Variants in TMEM178B observed in about 807,000 individuals in gnomAD.
The protein encoded by TMEM178B is transmembrane protein 178B.
Under a neutral mutation model 31.0 loss-of-function variants are expected in TMEM178B, and 5 were observed. That is an observed-to-expected ratio of 0.16 (90% CI 0.08 to 0.34). The LOEUF (loss-of-function observed/expected upper bound fraction) is 0.34. Ranked by LOEUF, TMEM178B falls within the 10% of genes least tolerant of loss-of-function variation. The pLI is 1.00. For synonymous variants in TMEM178B, 164 were observed against 164.0 expected, an observed-to-expected ratio of 1.00 and a Z score of 0.00; for missense variants, 275 against 400.3, an observed-to-expected ratio of 0.69 and a Z score of 2.67.
intron 2 of TMEM178B, among the ~76,000 whole-genome samples, chr7:141,256,293 T>C (rs911652274): frequency 5.9e-5 from 9 of 151,816 alleles, no homozygotes; most frequent in Middle Eastern, 3.2e-3. Context: ...AAACCAAGAG[T>C]GTTTATTTCA....
chr7:141,405,145 A>G (rs2116625521), intron 2 of TMEM178B, among the ~76,000 whole-genome samples: 1 of 152,366 alleles, frequency 6.6e-6, no homozygotes, highest in South Asian at 2.1e-4. Flanking sequence ...TACTTGAACC[A>G]CAGCCAGACG....
At chr7:141,088,410 C>A (rs762637974) in intron 1 of TMEM178B, among the ~76,000 whole-genome samples, 3 of 152,084 alleles carry the variant, frequency 2.0e-5, no homozygotes, top group African/African-American at 2.4e-5. Flanking sequence ...TAGCTCTATT[C>A]TTATTCCTTC....
chr7:141,436,824 C>G (rs1036843543), intron 2 of TMEM178B, among the ~76,000 whole-genome samples: 1 of 152,160 alleles, frequency 6.6e-6, no homozygotes, highest in African/African-American at 2.4e-5. Context: ...AGACAACCCT[C>G]TTCCTCCTGG....
At chr7:141,208,606 A>C (rs1797002975) in intron 1 of TMEM178B, among the ~76,000 whole-genome samples, 1 of 152,210 alleles carries the variant, frequency 6.6e-6, no homozygotes, top group African/African-American at 2.4e-5. Context: ...GCAAATAGCG[A>C]GGGCCTGAAG....
rs1168036959 is a variant in TMEM178B at position 141,437,715 on chromosome 7, T to C, written c.604T>C (p.Tyr202His). ...CTGCTGGGACCGAGGCCTTATGCAGTACGTGGCAGGGCTGCTCTTCCTCAT... is the reference window on the plus strand; with the variant it reads ...CTGCTGGGACCGAGGCCTTATGCAGCACGTGGCAGGGCTGCTCTTCCTCAT... ...GCCWDRGLMQ[Y>H]VAGLLFLMGG... Residue 202 changes from tyrosine (Y) to histidine (H), a missense_variant, in exon 3 of 4, where the codon TAC (tyrosine) becomes CAC (histidine). Coordinates refer to ENST00000565468, the MANE Select transcript of TMEM178B (RefSeq NM_001195278.2). The C allele has an allele frequency of 1.3e-6, 2 of 1,536,002 alleles. No homozygotes were observed. The highest frequency in any genetic ancestry group is 1.7e-6 in the Non-Finnish European group (2 of 1,146,868).
chr7:141,081,349 A>G (rs1794681584), intron 1 of TMEM178B, among the ~76,000 whole-genome samples: 1 of 152,186 alleles, frequency 6.6e-6, no homozygotes, highest in African/African-American at 2.4e-5. Context: ...GGATATAAAG[A>G]AAGAGCCTGG....
At chr7:141,334,192 C>G (rs1381595602) in intron 2 of TMEM178B, among the ~76,000 whole-genome samples, 1 of 152,202 alleles carries the variant, frequency 6.6e-6, no homozygotes, top group African/African-American at 2.4e-5. Flanking sequence ...GTGGCACTTG[C>G]TCAGGATGGG....
chr7:141,307,358 T>C (rs1798832383), intron 2 of TMEM178B, among the ~76,000 whole-genome samples: 1 of 152,204 alleles, frequency 6.6e-6, no homozygotes, highest in Admixed American at 6.5e-5. Context: ...ATTTTAGCAA[T>C]CTGTGAAGGG....
intron 2 of TMEM178B, among the ~76,000 whole-genome samples, chr7:141,379,344 G>C (rs545565391): frequency 6.6e-6 from 1 of 152,140 alleles, no homozygotes; most frequent in Non-Finnish European, 1.5e-5. Context: ...AGTTGGCTGG[G>C]CATGGCAGCA....
chr7:141,086,186 C>T (rs962392323), intron 1 of TMEM178B, among the ~76,000 whole-genome samples: 31 of 151,530 alleles, frequency 2.0e-4, no homozygotes, highest in African/African-American at 7.3e-4. Flanking sequence ...CAGGCGCCTG[C>T]CACCACTGCT....
chr7:141,493,870 T>C, the TMEM178B span, among the ~76,000 whole-genome samples: 1 of 152,216 alleles, frequency 6.6e-6, no homozygotes. Flanking sequence ...GGGAAAATAC[T>C]GGGTGTGATT....
chr7:141,187,301 A>G (rs1189558542), intron 1 of TMEM178B, among the ~76,000 whole-genome samples: 3 of 152,032 alleles, frequency 2.0e-5, no homozygotes, highest in East Asian at 1.9e-4. Flanking sequence ...ATAGTATTCC[A>G]TGGTGTATAT....
At chr7:141,083,397 C>T (rs2129171153) in intron 1 of TMEM178B, among the ~76,000 whole-genome samples, 1 of 145,206 alleles carries the variant, frequency 6.9e-6, no homozygotes, top group Admixed American at 7.2e-5. Context: ...ATTTAGGTGT[C>T]AAAGAGTAGA....
intron 2 of TMEM178B, among the ~76,000 whole-genome samples, chr7:141,226,690 A>G (rs964784310): frequency 5.9e-5 from 9 of 151,994 alleles, no homozygotes; most frequent in African/African-American, 2.2e-4. Flanking sequence ...CATCTCTACT[A>G]AAACAAAACA....
intron 2 of TMEM178B, among the ~76,000 whole-genome samples, chr7:141,226,101 C>T (rs1348037672): frequency 1.3e-5 from 2 of 152,138 alleles, no homozygotes; most frequent in East Asian, 1.9e-4. Flanking sequence ...GTGTTCCATC[C>T]ACCACCCCAT....
chr7:141,450,962 G>C (rs929911330), intron 3 of TMEM178B, among the ~76,000 whole-genome samples: 1 of 152,146 alleles, frequency 6.6e-6, no homozygotes, highest in Non-Finnish European at 1.5e-5. Flanking sequence ...TAAAACAAAA[G>C]GTTACTGGGA....
chr7:141,503,636 A>G, the TMEM178B span, among the ~76,000 whole-genome samples: 1 of 152,198 alleles, frequency 6.6e-6, no homozygotes, highest in East Asian at 1.9e-4. Flanking sequence ...GCCATGAAAA[A>G]ATAGGCAAAT....
intron 2 of TMEM178B, among the ~76,000 whole-genome samples, chr7:141,276,829 T>A (rs561626732): frequency 5.9e-5 from 9 of 152,236 alleles, no homozygotes; most frequent in Non-Finnish European, 1.3e-4. Context: ...GCTGCTAGGC[T>A]ACAAACCTGT....
chr7:141,407,578 C>T (rs747928219), intron 2 of TMEM178B, among the ~76,000 whole-genome samples: 38 of 152,164 alleles, frequency 2.5e-4, no homozygotes, highest in Admixed American at 5.9e-4. Context: ...CTCCCGATCT[C>T]GTCTGAATAG....
Sources: allele counts gnomAD v4.1 joint callset (sites outside exome capture counted in the v4.1 genomes callset), GRCh38; gene constraint gnomAD v4.1.1; transcripts MANE v1.5; gene names NCBI Gene and HGNC (gene_info 2026-07-23, HGNC 2026-07-21).